PPARGC1A: variants seen among roughly 807,000 people sequenced by gnomAD.
The protein encoded by PPARGC1A is PPARG coactivator 1 alpha, also known as peroxisome proliferator-activated receptor gamma coactivator 1-alpha.
A neutral mutation model predicts 88.7 loss-of-function variants in PPARGC1A; 25 were observed. That is an observed-to-expected ratio of 0.28 (90% CI 0.21 to 0.39). The LOEUF is 0.39. Ranked by LOEUF, PPARGC1A falls within the 10% of genes least tolerant of loss-of-function variation. The probability of loss-of-function intolerance (pLI) is 1.00; values close to 1 mark genes in which losing one functional copy is unlikely to be tolerated. For synonymous variants in PPARGC1A, 363 were observed against 355.6 expected (o/e 1.02, Z -0.24); for missense variants, 880 against 968.7 (o/e 0.91, Z 1.22).
the PPARGC1A span, among the ~76,000 whole-genome samples, chr4:24,149,959 C>T: frequency 1.3e-5 from 2 of 152,160 alleles, no homozygotes; most frequent in Non-Finnish European, 2.9e-5. Context: ...CAAAACCCTT[C>T]AGGAAGGTGG....
chr4:24,392,576 G>A, the PPARGC1A span, among the ~76,000 whole-genome samples: 5 of 152,134 alleles, frequency 3.3e-5, no homozygotes, highest in African/African-American at 4.8e-5. Context: ...TTCTGTAGGC[G>A]CACTCTGACA....
chr4:24,120,584 G>C, the PPARGC1A span, among the ~76,000 whole-genome samples: 453 of 152,272 alleles, frequency 3.0e-3, 8 homozygotes, highest in Non-Finnish European at 3.2e-3. Context: ...TTGAATGGCA[G>C]CTATGGTCTG....
intron 2 of PPARGC1A, among the ~76,000 whole-genome samples, chr4:23,843,087 T>C (rs1356369429): frequency 6.6e-6 from 1 of 152,078 alleles, no homozygotes; most frequent in Non-Finnish European, 1.5e-5. Flanking sequence ...GGCAGCTCAG[T>C]CTTTATATTG....
At chr4:24,051,629 T>C in the PPARGC1A span, among the ~76,000 whole-genome samples, 1 of 152,192 alleles carries the variant, frequency 6.6e-6, no homozygotes, top group African/African-American at 2.4e-5. Context: ...TTCTTAAATT[T>C]GTCACTGAAA....
At chr4:23,888,529 T>C (rs574815303) in intron 1 of PPARGC1A, among the ~76,000 whole-genome samples, 2 of 152,282 alleles carry the variant, frequency 1.3e-5, no homozygotes, top group Non-Finnish European at 2.9e-5. Context: ...TTGAAGCCAC[T>C]TATAACCCTG....
the PPARGC1A span, among the ~76,000 whole-genome samples, chr4:24,368,123 C>T: frequency 6.6e-6 from 1 of 152,168 alleles, no homozygotes; most frequent in African/African-American, 2.4e-5. Flanking sequence ...TCACAGAAAC[C>T]TCAGTGCTTT....
chr4:23,951,434 A>T, the PPARGC1A span, among the ~76,000 whole-genome samples: 1 of 152,186 alleles, frequency 6.6e-6, no homozygotes, highest in African/African-American at 2.4e-5. Flanking sequence ...TCACCCATGA[A>T]TAGGAGATAT....
At chr4:24,083,690 C>A in the PPARGC1A span, among the ~76,000 whole-genome samples, 1 of 152,148 alleles carries the variant, frequency 6.6e-6, no homozygotes, top group Non-Finnish European at 1.5e-5. Flanking sequence ...AACCATGAAG[C>A]CATTCCTGAT....
the PPARGC1A span, among the ~76,000 whole-genome samples, chr4:23,998,366 A>G: frequency 2.0e-5 from 3 of 152,230 alleles, no homozygotes; most frequent in African/African-American, 7.2e-5. Flanking sequence ...CTTTCTCTTT[A>G]TATCAATAAG....
chr4:24,047,884 T>A, the PPARGC1A span, among the ~76,000 whole-genome samples: 1 of 152,228 alleles, frequency 6.6e-6, no homozygotes, highest in African/African-American at 2.4e-5. Flanking sequence ...TATCATTCCT[T>A]GAAGGTAACA....
the PPARGC1A span, among the ~76,000 whole-genome samples, chr4:24,105,551 C>G: frequency 6.6e-6 from 1 of 152,172 alleles, no homozygotes; most frequent in African/African-American, 2.4e-5. Context: ...TCAATGCAGA[C>G]TCTGATTCAG....
the PPARGC1A span, among the ~76,000 whole-genome samples, chr4:24,034,869 G>A: frequency 4.5e-4 from 69 of 152,294 alleles, 1 homozygote; most frequent in Admixed American, 4.2e-3. Context: ...ATCGACAGCT[G>A]GTCTCAAGTC....
At chr4:23,985,992 T>C in the PPARGC1A span, among the ~76,000 whole-genome samples, 2 of 152,066 alleles carry the variant, frequency 1.3e-5, no homozygotes, top group African/African-American at 4.8e-5. Context: ...TTCATCTCTT[T>C]AGACCTCAGT....
At chr4:24,190,281 C>T in the PPARGC1A span, among the ~76,000 whole-genome samples, 9 of 152,142 alleles carry the variant, frequency 5.9e-5, no homozygotes, top group Admixed American at 4.6e-4. Context: ...TTTGGGAGGC[C>T]GAGGTGGGTG....
At chr4:24,248,152 T>C in the PPARGC1A span, among the ~76,000 whole-genome samples, 1 of 151,812 alleles carries the variant, frequency 6.6e-6, no homozygotes, top group Non-Finnish European at 1.5e-5. Flanking sequence ...TGAAATGGAG[T>C]CTCGCTCTGT....
the PPARGC1A span, among the ~76,000 whole-genome samples, chr4:24,219,308 G>A: frequency 6.6e-6 from 1 of 152,306 alleles, no homozygotes; most frequent in Non-Finnish European, 1.5e-5. Flanking sequence ...GGCACCAACT[G>A]TCCCTGAATC....
At chr4:24,243,437 A>G in the PPARGC1A span, among the ~76,000 whole-genome samples, 1 of 152,214 alleles carries the variant, frequency 6.6e-6, no homozygotes, top group Non-Finnish European at 1.5e-5. Flanking sequence ...GAAGTAATTC[A>G]GTCAATGAAC....
the PPARGC1A span, among the ~76,000 whole-genome samples, chr4:24,237,944 G>C: frequency 6.6e-6 from 1 of 152,208 alleles, no homozygotes; most frequent in African/African-American, 2.4e-5. Context: ...TCAGCCAATG[G>C]CATCATCTCC....
the PPARGC1A span, among the ~76,000 whole-genome samples, chr4:24,044,050 A>G: frequency 6.6e-6 from 1 of 152,164 alleles, no homozygotes; most frequent in Non-Finnish European, 1.5e-5. Flanking sequence ...GCTGGCTTTC[A>G]CTTAACAAAG....
Sources: gnomAD v4.1 joint callset for allele counts (sites outside exome capture counted in the v4.1 genomes callset) on GRCh38, gnomAD v4.1.1 for gene constraint, MANE v1.5 for transcripts, NCBI Gene and HGNC (gene_info 2026-07-23, HGNC 2026-07-21) for gene names.